NEK7: variants seen among roughly 807,000 people sequenced by gnomAD.
NEK7 encodes the protein serine/threonine-protein kinase Nek7.
NEK7 carries 18 observed loss-of-function variants against 44.6 expected under a neutral mutation model. The observed-to-expected ratio is 0.40, with a 90% CI of 0.28 to 0.60. The LOEUF (loss-of-function observed/expected upper bound fraction) is 0.60, where lower values mean the gene tolerates loss of function less well. NEK7 is among the 20% of genes least tolerant of loss of function. The pLI is 0.38. For synonymous variants in NEK7, 130 were observed against 121.1 expected (o/e 1.07, Z -0.48); for missense variants, 256 against 366.5 (o/e 0.70, Z 2.46).
chr1:198,232,449 C>G (rs989474690), intron 1 of NEK7, 104 bp from the exon 2 acceptor site: 9 of 582,160 alleles, frequency 1.5e-5, no homozygotes, highest in African/African-American at 1.5e-4. Context: ...ATTTTTGAAG[C>G]ATCAAGTAAA....
Position 198,262,634 on chromosome 1 carries a change from TA to T in NEK7, c.260del (p.Lys87SerfsTer8). On this transcript the variant is annotated frameshift_variant and splice_region_variant, in exon 4 of 10. Coordinates refer to ENST00000367385, the MANE Select transcript of NEK7 (RefSeq NM_133494.3). LOFTEE classifies it high-confidence loss of function. ...ADCIKEIDLLKQLNHPNVIKY... is the reference protein window; with the variant it reads ...ADCIKEIDLLXQLNHPNVIKY... ...ATTGCATCAAAGAAATAGATCTTCT[TA>T]AGGTAATTAATGAACTGTTGACTCT... The T allele has an allele frequency of 6.4e-7, 1 of 1,563,200 alleles. No individual in the cohort carries two copies. The highest frequency in any genetic ancestry group is 1.1e-5 in the South Asian group (1 of 88,356).
At chr1:198,224,437 C>T (rs539889313) in intron 1 of NEK7, among the ~76,000 whole-genome samples, 6 of 152,112 alleles carry the variant, frequency 3.9e-5, no homozygotes, top group Non-Finnish European at 8.8e-5. Context: ...GAAGTACACT[C>T]CATGATGTTC....
intron 1 of NEK7, among the ~76,000 whole-genome samples, chr1:198,224,918 G>A (rs1406717087): frequency 6.6e-6 from 1 of 152,140 alleles, no homozygotes; most frequent in African/African-American, 2.4e-5. Context: ...GTGCATGAGA[G>A]GTGGAATGCT....
At chr1:198,214,720 G>A (rs1320183854) in intron 1 of NEK7, among the ~76,000 whole-genome samples, 1 of 152,124 alleles carries the variant, frequency 6.6e-6, no homozygotes, top group Non-Finnish European at 1.5e-5. Context: ...AGTTATTTCT[G>A]AAGGAGAAGA....
At chr1:198,232,518 T>C (rs1666426623) in intron 1 of NEK7, 35 bp from the exon 2 acceptor site, 2 of 937,246 alleles carry the variant, frequency 2.1e-6, no homozygotes, top group Non-Finnish European at 1.8e-6. Context: ...TGGTAATGAT[T>C]ACATTATTTA....
chr1:198,197,566 G>C (rs1475813201), intron 1 of NEK7, among the ~76,000 whole-genome samples: 4 of 151,506 alleles, frequency 2.6e-5, no homozygotes, highest in Admixed American at 2.6e-4. Flanking sequence ...CTCATTAGCT[G>C]TATGATCTAT....
At chr1:198,308,990 C>T (rs921539155) in intron 9 of NEK7, among the ~76,000 whole-genome samples, 9 of 152,088 alleles carry the variant, frequency 5.9e-5, no homozygotes, top group African/African-American at 1.4e-4. Flanking sequence ...ACTGTTCATC[C>T]GGTATCCATC....
chr1:198,297,774 C>T (rs1202195905), intron 9 of NEK7, among the ~76,000 whole-genome samples: 1 of 152,192 alleles, frequency 6.6e-6, no homozygotes. Context: ...GTCCTATCAT[C>T]ACCTCACTGC....
chr1:198,301,279 T>G (rs374444820), intron 9 of NEK7, among the ~76,000 whole-genome samples: 160 of 152,290 alleles, frequency 1.1e-3, no homozygotes, highest in South Asian at 1.9e-3. Context: ...GGCCGGGCGC[T>G]GTGGCTCACG....
At chr1:198,240,773 G>A (rs1666664934) in intron 2 of NEK7, among the ~76,000 whole-genome samples, 2 of 152,178 alleles carry the variant, frequency 1.3e-5, no homozygotes, top group South Asian at 2.1e-4. Context: ...TCGGCTCACT[G>A]CAACCTTTGC....
chr1:198,301,272 C>T (rs772326617), intron 9 of NEK7, among the ~76,000 whole-genome samples: 5 of 152,310 alleles, frequency 3.3e-5, no homozygotes, highest in Middle Eastern at 3.4e-3. Context: ...ATTTATGGGC[C>T]GGGCGCTGTG....
rs147915381 is a variant in NEK7, at chr1:198,238,213, T to A, written c.57+5576T>A. Among the ~76,000 whole-genome samples the A allele has an allele frequency of 1.9e-3, 297 of 152,308 alleles. 1 individual carries two copies. Among genetic ancestry groups the A allele is most frequent in the African/African-American group, 6.6e-3 (274 of 41,562 alleles). ...ACACTTCTCCCCCCCAGGACACTGC[T>A]TCCCCTGTAACCCTCTCAAGTGGAG... On this transcript the variant is annotated intron_variant, in intron 2 of 9. Transcript: ENST00000367385.
At chr1:198,282,374 A>T (rs1277647585) in intron 7 of NEK7, among the ~76,000 whole-genome samples, 2 of 151,656 alleles carry the variant, frequency 1.3e-5, no homozygotes, top group African/African-American at 4.8e-5. Flanking sequence ...CTAGCTTCCC[A>T]CTCTGATTAT....
At chr1:198,242,828 A>AT (rs1213860437) in intron 2 of NEK7, among the ~76,000 whole-genome samples, 4,383 of 141,414 alleles carry the variant, frequency 0.031, 193 homozygotes, top group African/African-American at 0.098. Flanking sequence ...TTTGTATTTA[A>AT]TTTTTTTTTT....
At position 198,292,946 on chromosome 1, in the gene NEK7, T is replaced by G; in HGVS notation, c.591T>G (p.Val197=). The change falls in exon 8 of 10, where the codon GTT becomes GTG. Residue 197 remains valine (V), a splice_region_variant and synonymous_variant. Transcript: ENST00000367385. ...SSKTTAAHSL[V]GTPYYMSPER... ...TTTATTTGGTTTGTTTTTTTGCAGT[T>G]GGTACGCCTTATTACATGTCTCCAG... 2 of 1,540,746 alleles carry G rather than the reference T, an allele frequency of 1.3e-6. No homozygotes were observed. The highest frequency in any genetic ancestry group is 1.8e-6 in the Non-Finnish European group (2 of 1,114,550).
At chr1:198,236,604 C>T (rs1666550451) in intron 2 of NEK7, among the ~76,000 whole-genome samples, 1 of 152,114 alleles carries the variant, frequency 6.6e-6, no homozygotes, top group Non-Finnish European at 1.5e-5. Context: ...TCCTATTTTA[C>T]TGAAGAAACT....
intron 1 of NEK7, among the ~76,000 whole-genome samples, chr1:198,171,987 G>GT (rs2102721633): frequency 6.6e-6 from 1 of 152,268 alleles, no homozygotes; most frequent in South Asian, 2.1e-4. Flanking sequence ...TCCTTATATT[G>GT]TAAAAGTCTG....
In NEK7 at chr1:198,260,659, C is replaced by T. The variant is rs1345293302; in HGVS notation, c.199-1916C>T. Among the ~76,000 whole-genome samples, 2 of 151,982 alleles carry T rather than the reference C, an allele frequency of 1.3e-5. 1 individual carries two copies. Among genetic ancestry groups the T allele is most frequent in the East Asian group, 3.9e-4 (2 of 5,186 alleles). On this transcript the variant is annotated intron_variant, in intron 3 of 9. Transcript: ENST00000367385. ...ATCTAGTCTGTCTCTTTTTGTAAAC[C>T]ATCAAGTAAGGTAAGGCTTTATATT...
At chr1:198,198,069 G>A (rs1665296904) in intron 1 of NEK7, 1 of 1,483,150 alleles carries the variant, frequency 6.7e-7, no homozygotes, top group East Asian at 2.4e-5. Context: ...GGAAGAAAGG[G>A]GCCTTGGGGA....
Sources: allele counts gnomAD v4.1 joint callset (sites outside exome capture counted in the v4.1 genomes callset), GRCh38; gene constraint gnomAD v4.1.1; transcripts MANE v1.5; gene names NCBI Gene and HGNC (gene_info 2026-07-23, HGNC 2026-07-21).